GSPT1: variants seen among roughly 807,000 people sequenced by gnomAD.
GSPT1 encodes eukaryotic peptide chain release factor GTP-binding subunit ERF3A.
In GSPT1, 20 loss-of-function variants were observed where a neutral mutation model predicts 72.5. That is an observed-to-expected ratio of 0.28 (90% confidence interval 0.19 to 0.40). The LOEUF is 0.40. Ranked by LOEUF, GSPT1 falls within the 10% of genes least tolerant of loss-of-function variation. The pLI, the probability that GSPT1 is intolerant of heterozygous loss-of-function variation, is 1.00. For synonymous variants in GSPT1, 334 were observed against 293.5 expected, an observed-to-expected ratio of 1.14 and a Z score of -1.41; for missense variants, 580 against 811.9, an observed-to-expected ratio of 0.71 and a Z score of 3.47.
In GSPT1 at chr16:11,888,993, C is replaced by CT. The variant is rs1326824195; in HGVS notation, c.777-1244dup. 1.1e-4 allele frequency among the ~76,000 whole-genome samples: 17 copies of CT among 152,144 alleles called. No homozygotes were observed. The South Asian group carries it at 3.5e-3, about 32-fold the overall frequency. On this transcript the variant is annotated intron_variant, in intron 6 of 14. Coordinates refer to ENST00000434724, the MANE Select transcript of GSPT1 (RefSeq NM_002094.4). ...AAAATACAACACAAATAATGGCTGT[C>CT]TTGAGAGTTAAAGGGTAATAATAAA... is the stretch of plus-strand genomic sequence containing the variant.
At chr16:11,885,475 CTT>C (rs1168310398) in intron 9 of GSPT1, among the ~76,000 whole-genome samples, 1 of 152,166 alleles carries the variant, frequency 6.6e-6, no homozygotes, top group Non-Finnish European at 1.5e-5. Context: ...TCCTCATAAA[CTT>C]ATTAAAATTT....
At chr16:11,915,199 C>T (rs1351783589) in intron 1 of GSPT1, 170 bp downstream of exon 1, 1 of 1,079,320 alleles carries the variant, frequency 9.3e-7, no homozygotes, top group Non-Finnish European at 1.1e-6. Flanking sequence ...CGCGGGCCGC[C>T]CCGCGAAGGC....
In GSPT1 at chr16:11,869,166, TTAC is replaced by T. The variant is rs2053951267; in HGVS notation, c.*3950_*3952del. Reference sequence around the variant, plus strand: ...ACTGGGTCAAATGGAATCCACGGAATTACTACTGGAAAATAAAAACACTTCCTA... The same window carrying T: ...ACTGGGTCAAATGGAATCCACGGAATTACTGGAAAATAAAAACACTTCCTA... On this transcript the variant is annotated 3_prime_UTR_variant, in exon 15 of 15. Transcript: ENST00000434724. 1 of 152,300 alleles carries T rather than the reference TTAC, an allele frequency of 6.6e-6. No individual in the cohort carries two copies. Among genetic ancestry groups the T allele is most frequent in the Admixed American group, 6.5e-5 (1 of 15,294 alleles). The allele number at this position is 152,300 out of a possible 1,614,324, so 9.4% of individuals were successfully genotyped here.
rs927181376 is a variant in GSPT1 at position 11,907,314 on chromosome 16, C to T, written c.352+8055G>A. 4.6e-5 allele frequency among the ~76,000 whole-genome samples: 7 copies of T among 152,224 alleles called. No individual in the cohort carries two copies. In the South Asian group the frequency reaches 8.3e-4, roughly 18 times the overall value. The stretch of plus-strand genomic sequence containing the variant: ...ACTAGAATAAACTTTGAAATGACCT[C>T]GATTCCAAGCCTCACTCCTCTCATG... On this transcript the variant is annotated intron_variant, in intron 1 of 14. Coordinates refer to ENST00000434724, the MANE Select transcript of GSPT1 (RefSeq NM_002094.4).
Position 11,868,467 on chromosome 16 carries a change from C to T in GSPT1, c.*4652G>A, listed in dbSNP as rs2053943687. ...ATACCCACATTTCCTTTAGAACAAA[C>T]AGAACTAATACCTGTGTACATTTCT... On this transcript the variant is annotated 3_prime_UTR_variant, in exon 15 of 15. Coordinates refer to ENST00000434724, the MANE Select transcript of GSPT1 (RefSeq NM_002094.4). 6.7e-6 allele frequency: 1 copy of T among 150,344 alleles called. No homozygotes were observed. The highest frequency in any genetic ancestry group is 1.5e-5 in the Non-Finnish European group (1 of 67,808). 9.3% of individuals were successfully genotyped at this position (150,344 alleles called of 1,614,324 possible).
chr16:11,913,307 G>C (rs2054584016), intron 1 of GSPT1, among the ~76,000 whole-genome samples: 1 of 152,130 alleles, frequency 6.6e-6, no homozygotes, highest in Admixed American at 6.5e-5. Flanking sequence ...TTAAAAACAT[G>C]AACTGGCATT....
At chr16:11,890,345 G>A (rs1053395272) in intron 6 of GSPT1, among the ~76,000 whole-genome samples, 4 of 152,096 alleles carry the variant, frequency 2.6e-5, no homozygotes, top group African/African-American at 9.7e-5. Context: ...GGGAGCAATG[G>A]TTACTTGCTA....
intron 1 of GSPT1, among the ~76,000 whole-genome samples, chr16:11,914,140 C>A (rs2150896314): frequency 6.6e-6 from 1 of 152,336 alleles, no homozygotes; most frequent in East Asian, 1.9e-4. Context: ...CACTAACGTC[C>A]TGGCTAAATG....
intron 5 of GSPT1, among the ~76,000 whole-genome samples, chr16:11,893,134 C>T (rs1039608396): frequency 3.3e-5 from 5 of 151,614 alleles, no homozygotes; most frequent in Admixed American, 2.6e-4. Flanking sequence ...GTGGTGCAAG[C>T]GTGTAGTCCC....
chr16:11,915,919 G>C lies in GSPT1; in HGVS notation c.-199C>G. Reference sequence around the variant, plus strand: ...ACTCGCGACGACGACAGAGGCGGCGGCGGCGGCAGCTCAACCCTCCTCCTC... The same window carrying C: ...ACTCGCGACGACGACAGAGGCGGCGCCGGCGGCAGCTCAACCCTCCTCCTC... On this transcript the variant is annotated 5_prime_UTR_variant, in exon 1 of 15. Transcript: ENST00000434724. 1 of 805,306 alleles carries C rather than the reference G, an allele frequency of 1.2e-6. No individual in the cohort carries two copies. The highest frequency in any genetic ancestry group is 2.2e-6 in the Non-Finnish European group (1 of 462,368). 49.9% of individuals were successfully genotyped at this position (805,306 alleles called of 1,614,324 possible). A position where few individuals can be genotyped will look rare whatever the true frequency, so the allele number is the denominator to read the frequency against.
At chr16:11,915,059 C>A (rs1384566494) in intron 1 of GSPT1, 3 of 1,291,668 alleles carry the variant, frequency 2.3e-6, no homozygotes, top group Non-Finnish European at 2.0e-6. Flanking sequence ...GCCCCCACTC[C>A]GTTCCATACG....
At chr16:11,902,940 C>T (rs1041075408) in intron 1 of GSPT1, among the ~76,000 whole-genome samples, 1 of 151,936 alleles carries the variant, frequency 6.6e-6, no homozygotes, top group African/African-American at 2.4e-5. Flanking sequence ...TGGTCTCCAA[C>T]TCCTGAGCTC....
chr16:11,912,800 C>T (rs1056203632), intron 1 of GSPT1, among the ~76,000 whole-genome samples: 55 of 152,170 alleles, frequency 3.6e-4, no homozygotes, highest in African/African-American at 1.3e-3. Context: ...AGGAGAATCT[C>T]TTGGCCAATT....
intron 1 of GSPT1, chr16:11,904,275 T>G (rs1386325909): frequency 6.6e-6 from 1 of 152,386 alleles, no homozygotes; most frequent in African/African-American, 2.4e-5. Context: ...CAATCTCGGC[T>G]TACTGCAACC....
At chr16:11,909,598 T>C (rs1051548022) in intron 1 of GSPT1, among the ~76,000 whole-genome samples, 2 of 152,146 alleles carry the variant, frequency 1.3e-5, no homozygotes, top group African/African-American at 4.8e-5. Context: ...AGATAACCAG[T>C]GCTCTACCTT....
At chr16:11,890,920 G>A in intron 6 of GSPT1, 142 bp downstream of exon 6, 1 of 575,374 alleles carries the variant, frequency 1.7e-6, no homozygotes, top group Non-Finnish European at 3.1e-6. Context: ...CATCTACTGT[G>A]TATTATGAGG....
intron 1 of GSPT1, among the ~76,000 whole-genome samples, chr16:11,906,337 C>T (rs2054489286): frequency 6.6e-6 from 1 of 152,124 alleles, no homozygotes; most frequent in African/African-American, 2.4e-5. Context: ...ACACTACACT[C>T]AGGAGATGTT....
chr16:11,871,619 T>TA lies in GSPT1; in HGVS notation c.*1499dup. ...AAGTTTTATGTTCTGTGACTGGAAA[T>TA]ACAGTCTGTCTAGGCTTTTCTTTTC... On this transcript the variant is annotated 3_prime_UTR_variant, in exon 15 of 15. Coordinates refer to ENST00000434724, the MANE Select transcript of GSPT1 (RefSeq NM_002094.4). The TA allele has an allele frequency of 6.6e-6, 1 of 152,140 alleles. No homozygotes were observed. Among genetic ancestry groups the TA allele is most frequent in the Non-Finnish European group, 1.5e-5 (1 of 68,020 alleles). The allele number at this position is 152,140 out of a possible 1,614,324, so 9.4% of individuals were successfully genotyped here.
intron 10 of GSPT1, 137 bp from the exon 11 acceptor site, chr16:11,883,232 A>T: frequency 1.6e-6 from 1 of 615,676 alleles, no homozygotes. Flanking sequence ...GGTTCATCTT[A>T]AACTCAGTAA....
Sources: gnomAD v4.1 joint callset for allele counts (sites outside exome capture counted in the v4.1 genomes callset) on GRCh38, gnomAD v4.1.1 for gene constraint, MANE v1.5 for transcripts, NCBI Gene and HGNC (gene_info 2026-07-23, HGNC 2026-07-21) for gene names.